Variants in ZNF536 observed in about 807,000 individuals in gnomAD.
The protein encoded by ZNF536 is zinc finger protein 536.
In ZNF536, 13 loss-of-function variants were observed where a neutral mutation model predicts 84.5. The observed-to-expected ratio is 0.15, with a 90% CI of 0.10 to 0.24. ZNF536 has a LOEUF of 0.24. Among genes scored for constraint, ZNF536 ranks in the 10% least tolerant of loss-of-function variants. ZNF536 has a pLI of 1.00. For missense variants in ZNF536, 1,536 were observed against 1,747.5 expected (o/e 0.88, Z 2.16); for synonymous variants, 811 against 742.5 (o/e 1.09, Z -1.50).
intron 1 of ZNF536, among the ~76,000 whole-genome samples, chr19:30,439,928 GTTTCTTTCTTTCTTTTCTT>G (rs1177101327): frequency 7.5e-6 from 1 of 133,792 alleles, no homozygotes; most frequent in Non-Finnish European, 1.7e-5. Context: ...CTTTCCTTTT[GTTTCTTTCTTTCTTTTCTT>G]TTTCTTTCTT....
upstream of ZNF536, among the ~76,000 whole-genome samples, chr19:30,227,432 G>A (rs964747719): frequency 2.0e-5 from 3 of 152,224 alleles, no homozygotes; most frequent in Admixed American, 1.3e-4. Context: ...AGCAGGGCGG[G>A]GTCTCAGCCC....
chr19:30,289,616 C>A (rs2045765735), intron 2 of ZNF536, among the ~76,000 whole-genome samples: 1 of 152,220 alleles, frequency 6.6e-6, no homozygotes, highest in South Asian at 2.1e-4. Context: ...ATTTCTGTGT[C>A]TATGCCTGGA....
intron 1 of ZNF536, among the ~76,000 whole-genome samples, chr19:30,270,860 C>T (rs949548883): frequency 6.6e-6 from 1 of 150,728 alleles, no homozygotes; most frequent in South Asian, 2.1e-4. Context: ...GGTATACAGT[C>T]GGTTAAGGTT....
intron 1 of ZNF536, among the ~76,000 whole-genome samples, chr19:30,571,660 C>T (rs1454950072): frequency 6.6e-6 from 1 of 152,204 alleles, no homozygotes; most frequent in African/African-American, 2.4e-5. Flanking sequence ...GCTCCTGCTT[C>T]TCTGTGACCT....
chr19:30,650,206 C>T lies in ZNF536; in HGVS notation c.170-60551C>T, dbSNP rs75586606. 1.1e-4 allele frequency among the ~76,000 whole-genome samples: 16 copies of T among 152,242 alleles called. No individual in the cohort carries two copies. In the South Asian group the frequency reaches 2.1e-3, roughly 20 times the overall value. ...TGTTAGCGGCACCTAGAGGCCATTG[C>T]GAAAATACTTCAAAGGGATGATCTG... On this transcript the variant is annotated intron_variant, in intron 1 of 1. Transcript: ENST00000592773.
intron 2 of ZNF536, among the ~76,000 whole-genome samples, chr19:30,334,613 TA>T (rs1349146199): frequency 1.3e-5 from 2 of 152,198 alleles, no homozygotes; most frequent in Non-Finnish European, 2.9e-5. Context: ...TTTACTTGAA[TA>T]TATCCAAATA....
chr19:30,318,089 C>T (rs2046739286), intron 2 of ZNF536, among the ~76,000 whole-genome samples: 1 of 152,224 alleles, frequency 6.6e-6, no homozygotes, highest in Non-Finnish European at 1.5e-5. Flanking sequence ...TCGGCACATC[C>T]GGCCTGCCCT....
chr19:30,570,662 ACAGT>A (rs1283880516), intron 1 of ZNF536, among the ~76,000 whole-genome samples: 1 of 152,134 alleles, frequency 6.6e-6, no homozygotes, highest in African/African-American at 2.4e-5. Flanking sequence ...CTGGCGGAAA[ACAGT>A]CAGAACATAA....
chr19:30,318,716 A>G (rs1016450555), intron 2 of ZNF536, among the ~76,000 whole-genome samples: 2 of 152,088 alleles, frequency 1.3e-5, no homozygotes, highest in African/African-American at 4.8e-5. Context: ...GCTTGCATGT[A>G]TATGTCTCTC....
intron 1 of ZNF536, among the ~76,000 whole-genome samples, chr19:30,616,781 T>C (rs1240070794): frequency 6.6e-6 from 1 of 152,200 alleles, no homozygotes; most frequent in East Asian, 1.9e-4. Context: ...CACCAGGGCC[T>C]GGTGCATTTT....
intron 1 of ZNF536, among the ~76,000 whole-genome samples, chr19:30,679,130 A>C (rs2050869168): frequency 6.6e-6 from 1 of 151,952 alleles, no homozygotes; most frequent in South Asian, 2.1e-4. Context: ...CCCATCCTTA[A>C]ATTCTGAGGC....
intron 2 of ZNF536, among the ~76,000 whole-genome samples, chr19:30,498,042 G>T (rs1390881467): frequency 2.6e-5 from 4 of 152,120 alleles, no homozygotes; most frequent in East Asian, 3.9e-4. Flanking sequence ...ATTCCTCAAA[G>T]ATCTAGAACC....
chr19:30,575,656 C>T (rs942633286), intron 1 of ZNF536, among the ~76,000 whole-genome samples: 16 of 152,152 alleles, frequency 1.1e-4, no homozygotes, highest in Non-Finnish European at 1.6e-4. Flanking sequence ...AATGGAATAA[C>T]GGGTAGGTTA....
chr19:30,600,564 T>C (rs1021610421), intron 1 of ZNF536, among the ~76,000 whole-genome samples: 1 of 152,156 alleles, frequency 6.6e-6, no homozygotes, highest in African/African-American at 2.4e-5. Flanking sequence ...TAGTGTGTCC[T>C]CCCTCATGTA....
chr19:30,545,825 C>A (rs918139008), intron 3 of ZNF536, among the ~76,000 whole-genome samples: 1 of 152,214 alleles, frequency 6.6e-6, no homozygotes, highest in Non-Finnish European at 1.5e-5. Context: ...CACCTTCCCC[C>A]TCTTTAGCTC....
chr19:30,516,523 A>G (rs2044079192), intron 2 of ZNF536, among the ~76,000 whole-genome samples: 1 of 152,218 alleles, frequency 6.6e-6, no homozygotes, highest in Non-Finnish European at 1.5e-5. Context: ...CTCCTTGAAG[A>G]AGCCCTATGA....
chr19:30,663,641 G>A (rs939253992), intron 1 of ZNF536, among the ~76,000 whole-genome samples: 7 of 152,078 alleles, frequency 4.6e-5, no homozygotes, highest in African/African-American at 1.4e-4. Flanking sequence ...GTTCTGTCCT[G>A]AAATGTCAAA....
rs115206592 is a variant in ZNF536 at position 30,401,796 on chromosome 19, G to A, written c.-3+29240G>A. 5.6e-3 allele frequency among the ~76,000 whole-genome samples: 857 copies of A among 152,268 alleles called. 10 individuals are homozygous for A. Among genetic ancestry groups the A allele is most frequent in the African/African-American group, 0.019 (804 of 41,552 alleles). ...CTTCTTCTTCAACAACAGGTACAGAGTTTTAGTAAAGGACTTCAAGGGAAA... is the reference window on the plus strand; with the variant it reads ...CTTCTTCTTCAACAACAGGTACAGAATTTTAGTAAAGGACTTCAAGGGAAA... On this transcript the variant is annotated intron_variant, in intron 1 of 4. Coordinates refer to ENST00000355537, the MANE Select transcript of ZNF536 (RefSeq NM_014717.3).
intron 3 of ZNF536, among the ~76,000 whole-genome samples, chr19:30,535,576 G>T (rs902451001): frequency 6.6e-6 from 1 of 152,086 alleles, no homozygotes; most frequent in African/African-American, 2.4e-5. Flanking sequence ...TTAGGCAAAG[G>T]GGGGCAAGTG....
Sources: allele counts gnomAD v4.1 joint callset (sites outside exome capture counted in the v4.1 genomes callset), GRCh38; gene constraint gnomAD v4.1.1; transcripts MANE v1.5; gene names NCBI Gene and HGNC (gene_info 2026-07-23, HGNC 2026-07-21).